Variants in RFC3 observed in about 807,000 individuals in gnomAD.
RFC3 encodes replication factor C subunit 3.
Under a neutral mutation model 45.1 loss-of-function variants are expected in RFC3, and 41 were observed. That is an observed-to-expected ratio of 0.91 (90% confidence interval 0.71 to 1.18). RFC3 has a LOEUF of 1.18. RFC3 is among the 50% of genes most tolerant of loss of function. The pLI is 0.00. For missense variants in RFC3, 423 were observed against 428.1 expected, an observed-to-expected ratio of 0.99 and a Z score of 0.10; for synonymous variants, 149 against 144.0, an observed-to-expected ratio of 1.03 and a Z score of -0.25.
At chr13:33,846,409 A>G (rs770060226) in intron 8 of RFC3, 1 of 152,250 alleles carries the variant, frequency 6.6e-6, no homozygotes, top group Non-Finnish European at 1.5e-5. Context: ...TCCGGGAGCT[A>G]GGTCCTGGAA....
chr13:33,820,608 T>A (rs2081993046), intron 1 of RFC3, among the ~76,000 whole-genome samples: 1 of 152,208 alleles, frequency 6.6e-6, no homozygotes, highest in African/African-American at 2.4e-5. Context: ...GAAGTTTTCC[T>A]TTATCTCACA....
chr13:33,831,206 A>G, intron 6 of RFC3, 50 bp from the exon 7 acceptor site: 1 of 1,159,932 alleles, frequency 8.6e-7, no homozygotes, highest in Non-Finnish European at 1.3e-6. Context: ...CTGTTTTAGG[A>G]CATAAGCACA....
rs141250540 is a variant in RFC3 at position 33,902,372 on chromosome 13, T to C, written c.880-63715T>C. 9.4e-3 allele frequency among the ~76,000 whole-genome samples: 1,432 copies of C among 152,144 alleles called. 13 individuals are homozygous for C. The highest frequency in any genetic ancestry group is 0.014 in the Non-Finnish European group (975 of 67,972). ...GGCTGTCTTTGCAGGTGACATACTA[T>C]GGGATTCTCAGGTCTCATAAGGATT... On this transcript the variant is annotated intron_variant, in intron 8 of 8. Coordinates refer to the RFC3 transcript ENST00000434425.
rs746936850 is a variant in RFC3, at chr13:33,830,018, G to A, written c.573+1G>A. On this transcript the variant is annotated splice_donor_variant, in intron 5 of 8. Transcript: ENST00000380071. LOFTEE classifies it high-confidence loss of function. ...TGTGCCTGCTCCCAGCATTGAAGAT[G>A]TAGGTCAAGTTACACTTTTCTGAAA... The A allele has an allele frequency of 6.2e-7, 1 of 1,612,638 alleles. No homozygotes were observed. The highest frequency in any genetic ancestry group is 8.5e-7 in the Non-Finnish European group (1 of 1,178,918).
intron 8 of RFC3, among the ~76,000 whole-genome samples, chr13:33,919,773 CA>C (rs1593691976): frequency 1.3e-5 from 2 of 152,084 alleles, no homozygotes; most frequent in East Asian, 3.9e-4. Flanking sequence ...ATCCTGTTGG[CA>C]GATTTCAGGG....
chr13:33,844,796 A>G (rs2082225546), intron 8 of RFC3, among the ~76,000 whole-genome samples: 1 of 152,142 alleles, frequency 6.6e-6, no homozygotes, highest in Non-Finnish European at 1.5e-5. Flanking sequence ...TTTCTATTCA[A>G]GATATGGATA....
intron 7 of RFC3, among the ~76,000 whole-genome samples, chr13:33,833,069 G>T (rs929057567): frequency 2.0e-5 from 3 of 152,114 alleles, no homozygotes; most frequent in Non-Finnish European, 2.9e-5. Flanking sequence ...ATTCCATTGT[G>T]CTACATAAAA....
intron 8 of RFC3, among the ~76,000 whole-genome samples, chr13:33,889,655 T>C (rs1274863957): frequency 2.6e-5 from 4 of 152,188 alleles, no homozygotes; most frequent in Non-Finnish European, 5.9e-5. Context: ...ACCAGAAATT[T>C]TTCTTCCTTG....
chr13:33,956,523 A>G (rs2083022925), intron 8 of RFC3, among the ~76,000 whole-genome samples: 1 of 152,246 alleles, frequency 6.6e-6, no homozygotes, highest in Non-Finnish European at 1.5e-5. Flanking sequence ...AGATGTTCTA[A>G]CCTACAAATA....
intron 8 of RFC3, among the ~76,000 whole-genome samples, chr13:33,866,218 A>T (rs1422830645): frequency 6.6e-6 from 1 of 152,210 alleles, no homozygotes; most frequent in Admixed American, 6.5e-5. Flanking sequence ...TATATTGTTG[A>T]GGTGAGCACC....
chr13:33,852,346 G>T (rs927637024), intron 8 of RFC3, among the ~76,000 whole-genome samples: 3 of 152,152 alleles, frequency 2.0e-5, no homozygotes, highest in Non-Finnish European at 2.9e-5. Flanking sequence ...GAGCCTATGT[G>T]TAAGTAGTCA....
At chr13:33,948,421 A>G (rs1431829091) in intron 8 of RFC3, among the ~76,000 whole-genome samples, 1 of 152,216 alleles carries the variant, frequency 6.6e-6, no homozygotes, top group Non-Finnish European at 1.5e-5. Context: ...ATGGGTGGAA[A>G]CTTCATGGAG....
intron 8 of RFC3, among the ~76,000 whole-genome samples, chr13:33,944,730 A>G (rs76727805): frequency 0.019 from 2,865 of 152,222 alleles, 90 homozygotes; most frequent in African/African-American, 0.065. Context: ...GCACTTGAGA[A>G]TGGAATTGTA....
chr13:33,957,364 A>G (rs535369763), intron 8 of RFC3, among the ~76,000 whole-genome samples: 1 of 152,320 alleles, frequency 6.6e-6, no homozygotes, highest in African/African-American at 2.4e-5. Flanking sequence ...TGGATTATTT[A>G]GGACCTATAT....
At chr13:33,908,305 C>T (rs916995150) in intron 8 of RFC3, among the ~76,000 whole-genome samples, 2 of 151,888 alleles carry the variant, frequency 1.3e-5, no homozygotes, top group East Asian at 3.9e-4. Flanking sequence ...CCATCCAGAG[C>T]ATCACACTGA....
chr13:33,834,329 T>TATATATATGTATATATATATACACATAC (rs1300798923), intron 7 of RFC3, among the ~76,000 whole-genome samples: 1 of 125,106 alleles, frequency 8.0e-6, no homozygotes, highest in African/African-American at 3.4e-5. Flanking sequence ...TATATATATA[T>TATATATATGTATATATATATACACATAC]ATCTGTACTG....
At chr13:33,825,933 GCT>G (rs748016875) in intron 4 of RFC3, 47 bp downstream of exon 4, 1 of 1,207,614 alleles carries the variant, frequency 8.3e-7, no homozygotes, top group African/African-American at 1.5e-5. Flanking sequence ...AAGCATTAGT[GCT>G]CTCTCTTTTT....
At chr13:33,835,927 A>G (rs1487345370) in intron 8 of RFC3, among the ~76,000 whole-genome samples, 177 bp from the exon 9 acceptor site, 4 of 152,176 alleles carry the variant, frequency 2.6e-5, no homozygotes, top group Non-Finnish European at 5.9e-5. Flanking sequence ...TATGTCATGG[A>G]AAAAGTACCC....
downstream of RFC3, among the ~76,000 whole-genome samples, chr13:33,839,825 T>C (rs1302571624): frequency 6.6e-6 from 1 of 152,212 alleles, no homozygotes; most frequent in East Asian, 1.9e-4. Context: ...CTTAAAAATG[T>C]CTTTGTTTTG....
Sources: gnomAD v4.1 joint callset for allele counts (sites outside exome capture counted in the v4.1 genomes callset) on GRCh38, gnomAD v4.1.1 for gene constraint, MANE v1.5 for transcripts, NCBI Gene and HGNC (gene_info 2026-07-23, HGNC 2026-07-21) for gene names.